Variants in ELL observed in about 807,000 individuals in gnomAD.
The protein encoded by ELL is elongation factor for RNA polymerase II.
A neutral mutation model predicts 64.0 loss-of-function variants in ELL; 18 were observed. The observed-to-expected ratio is 0.28, with a 90% CI of 0.19 to 0.42. The LOEUF is 0.42. Ranked by LOEUF, ELL falls within the 10% of genes least tolerant of loss-of-function variation. ELL has a pLI of 1.00. For synonymous variants in ELL, 399 were observed against 376.2 expected (o/e 1.06, Z -0.70); for missense variants, 797 against 870.4 (o/e 0.92, Z 1.06).
chr19:18,482,034 T>C (rs1975309663), intron 1 of ELL, among the ~76,000 whole-genome samples: 2 of 152,184 alleles, frequency 1.3e-5, no homozygotes, highest in Admixed American at 6.5e-5. Flanking sequence ...TCAGCTTATT[T>C]AAAATGTCAG....
At chr19:18,451,106 C>T (rs1974523574) in intron 7 of ELL, 131 bp from the exon 8 acceptor site, 1 of 1,303,242 alleles carries the variant, frequency 7.7e-7, no homozygotes, top group South Asian at 1.9e-5. Flanking sequence ...GGCGCCCGAG[C>T]ACCAAGTCAG....
intron 5 of ELL, among the ~76,000 whole-genome samples, chr19:18,459,159 G>A (rs571757775): frequency 1.5e-4 from 23 of 152,304 alleles, no homozygotes; most frequent in African/African-American, 5.3e-4. Context: ...AAACAGGCGT[G>A]AGCCACCGCG....
intron 1 of ELL, among the ~76,000 whole-genome samples, chr19:18,496,491 G>A (rs929800845): frequency 2.0e-5 from 3 of 152,064 alleles, no homozygotes; most frequent in South Asian, 2.1e-4. Flanking sequence ...TCCTGGGCTC[G>A]AGAATAAATA....
At chr19:18,485,195 G>A (rs958274862) in intron 1 of ELL, among the ~76,000 whole-genome samples, 2 of 152,260 alleles carry the variant, frequency 1.3e-5, no homozygotes, top group African/African-American at 2.4e-5. Context: ...ACCTCCATGG[G>A]ACTATTTGGA....
At chr19:18,493,939 T>A (rs545853717) in intron 1 of ELL, among the ~76,000 whole-genome samples, 1 of 152,324 alleles carries the variant, frequency 6.6e-6, no homozygotes, top group East Asian at 1.9e-4. Context: ...AGTGAGTTCA[T>A]GGCCTCTTGT....
In ELL at chr19:18,446,288, T is replaced by TG. The variant is rs1363014009; in HGVS notation, c.1704+20_1704+21insC. On this transcript the variant is annotated intron_variant, in intron 10 of 11. Transcript: ENST00000262809. ...GGCTCCCGCCAGAGCCAGGGCACAG[T>TG]AGGCAGCGGGGGGGCTCTACCTCAT... 2.6e-6 allele frequency: 4 copies of TG among 1,544,956 alleles called. No individual in the cohort carries two copies. The Admixed American group carries it at 8.0e-5, about 31-fold the overall frequency.
chr19:18,463,029 C>T (rs566898692), intron 4 of ELL, among the ~76,000 whole-genome samples: 3 of 152,296 alleles, frequency 2.0e-5, no homozygotes, highest in South Asian at 2.1e-4. Context: ...AATGATGCCC[C>T]GGCATCCTTG....
rs186018238 is a variant in ELL, at chr19:18,444,303, G to A, written c.*449C>T. 4.6e-3 allele frequency: 1,088 copies of A among 238,304 alleles called. 5 individuals are homozygous for A. Among genetic ancestry groups the A allele is most frequent in the Non-Finnish European group, 6.8e-3 (824 of 120,756 alleles). 14.8% of individuals were successfully genotyped at this position (238,304 alleles called of 1,614,324 possible). ...TACTGCAGGCAGGACCCAGGGCAGC[G>A]GCTAGACCCTGGGTGTCCGAGGAGA... On this transcript the variant is annotated 3_prime_UTR_variant, in exon 12 of 12. Coordinates refer to ENST00000262809, the MANE Select transcript of ELL (RefSeq NM_006532.4).
rs1410145757 is a variant in ELL, at chr19:18,443,192, TCCCCGGCCCG to T, written c.*1550_*1559del. 4.3e-6 allele frequency: 1 copy of T among 231,760 alleles called. No homozygotes were observed. Among genetic ancestry groups the T allele is most frequent in the African/African-American group, 2.2e-5 (1 of 45,188 alleles). The allele number at this position is 231,760 out of a possible 1,614,324, so 14.4% of individuals were successfully genotyped here. ...GGCCTCCTGGAGCCTGCTCGGCCCT[TCCCCGGCCCG>T]GCCCGGCCCAAAGAGAAAAACAACA... On this transcript the variant is annotated 3_prime_UTR_variant, in exon 12 of 12. Coordinates refer to ENST00000262809, the MANE Select transcript of ELL (RefSeq NM_006532.4).
chr19:18,518,262 G>A (rs1411737783), intron 1 of ELL, among the ~76,000 whole-genome samples: 1 of 152,170 alleles, frequency 6.6e-6, no homozygotes, highest in South Asian at 2.1e-4. Flanking sequence ...CACTTTGGGA[G>A]GCTGAGGCAG....
intron 1 of ELL, among the ~76,000 whole-genome samples, chr19:18,476,762 G>C (rs767401414): frequency 2.2e-4 from 34 of 152,262 alleles, no homozygotes; most frequent in Admixed American, 3.9e-4. Flanking sequence ...GGCTCACACT[G>C]TATCCCCACC....
intron 6 of ELL, among the ~76,000 whole-genome samples, chr19:18,454,182 G>T (rs1974602180): frequency 6.6e-6 from 1 of 152,206 alleles, no homozygotes; most frequent in Non-Finnish European, 1.5e-5. Flanking sequence ...AACTGTATCT[G>T]AATAAAGCTG....
rs999805012 is a variant in ELL at position 18,461,730 on chromosome 19, C to G, written c.592G>C (p.Gly198Arg). 6 of 1,613,908 alleles carry G rather than the reference C, an allele frequency of 3.7e-6. No individual in the cohort carries two copies. The highest frequency in any genetic ancestry group is 1.3e-5 in the African/African-American group (1 of 75,062). Residue 198 changes from glycine (G) to arginine (R), a missense_variant, in exon 5 of 12, where the codon GGG becomes CGG. Coordinates refer to ENST00000262809, the MANE Select transcript of ELL (RefSeq NM_006532.4). ...GGCCTCTGGGACACCCCGCTGCCCC[C>G]ACTCACGGCACTGGCACCACTCTTC... is the stretch of plus-strand genomic sequence containing the variant. ...IRKSGASAVS[G>R]GSGVSQRPFR...
chr19:18,504,800 C>T (rs1390415818), intron 1 of ELL, among the ~76,000 whole-genome samples: 1 of 152,156 alleles, frequency 6.6e-6, no homozygotes, highest in East Asian at 1.9e-4. Context: ...TATACCAGAA[C>T]CCATTTACTC....
intron 2 of ELL, among the ~76,000 whole-genome samples, chr19:18,466,674 T>C (rs974589123): frequency 6.6e-5 from 10 of 152,178 alleles, no homozygotes; most frequent in East Asian, 1.9e-4. Flanking sequence ...TCAGAGGCCA[T>C]TGCATTCCAG....
chr19:18,497,473 C>T (rs7251653), intron 1 of ELL, among the ~76,000 whole-genome samples: 70,567 of 151,858 alleles, frequency 0.46, 19,009 homozygotes, highest in African/African-American at 0.76. Flanking sequence ...TCTAAACCCA[C>T]AGAATGTACA....
At chr19:18,450,421 C>G (rs763684011) in intron 8 of ELL, 56 bp downstream of exon 8, 6 of 1,578,010 alleles carry the variant, frequency 3.8e-6, no homozygotes, top group South Asian at 1.2e-5. Flanking sequence ...GAGGGTGAGG[C>G]GGGTGTGGGG....
chr19:18,520,264 C>T (rs1976234727), intron 1 of ELL, among the ~76,000 whole-genome samples: 1 of 152,122 alleles, frequency 6.6e-6, no homozygotes, highest in South Asian at 2.1e-4. Context: ...GACTCACGAG[C>T]TCTCCCCCAG....
chr19:18,503,613 A>G (rs8101992), intron 1 of ELL, among the ~76,000 whole-genome samples: 22,334 of 152,186 alleles, frequency 0.15, 1,746 homozygotes, highest in South Asian at 0.2. Flanking sequence ...GGGTACGTGC[A>G]GAGCCACGGC....
Sources: gnomAD v4.1 joint callset for allele counts (sites outside exome capture counted in the v4.1 genomes callset) on GRCh38, gnomAD v4.1.1 for gene constraint, MANE v1.5 for transcripts, NCBI Gene and HGNC (gene_info 2026-07-23, HGNC 2026-07-21) for gene names.